The following BNC2 variants were observed in gnomAD, a reference collection of about 807,000 sequenced individuals.
BNC2 encodes the protein zinc finger protein basonuclin-2.
In BNC2, 20 loss-of-function variants were observed where a neutral mutation model predicts 76.3. The observed-to-expected ratio is 0.26, with a 90% confidence interval of 0.18 to 0.38. The LOEUF (loss-of-function observed/expected upper bound fraction) is 0.38, where lower values mean the gene tolerates loss of function less well. Among genes scored for constraint, BNC2 ranks in the 10% least tolerant of loss-of-function variants. BNC2 has a pLI of 1.00. For missense variants in BNC2, 1,382 were observed against 1,399.8 expected, an observed-to-expected ratio of 0.99 and a Z score of 0.20; for synonymous variants, 582 against 514.8, an observed-to-expected ratio of 1.13 and a Z score of -1.77.
At position 16,435,878 on chromosome 9, in the gene BNC2, G is replaced by C. The variant is rs767235881; in HGVS notation, c.2316C>G (p.Ile772Met). The C allele has an allele frequency of 6.2e-7, 1 of 1,613,752 alleles. No homozygotes were observed. The highest frequency in any genetic ancestry group is 8.5e-7 in the Non-Finnish European group (1 of 1,179,724). ...GGTCTGTAAATTCTTCCTTCACCTT[G>C]ATGACGTCCTGGTGAGAGGGCTCAC... ...NHSEPSHQDV[I>M]KVKEEFTDPT... The change falls in exon 6 of 7, where the codon ATC becomes ATG. Residue 772 changes from isoleucine to methionine, a missense_variant. Ile to Met is a conservative substitution (Grantham distance 10). Transcript: ENST00000380672.
intron 1 of BNC2, among the ~76,000 whole-genome samples, chr9:16,795,061 C>CA (rs1817607724): frequency 6.6e-6 from 1 of 152,202 alleles, no homozygotes; most frequent in Non-Finnish European, 1.5e-5. Flanking sequence ...GTCCAACTCT[C>CA]AACCTCCCTA....
At chr9:16,542,897 C>T (rs76629809) in intron 5 of BNC2, among the ~76,000 whole-genome samples, 7,669 of 152,282 alleles carry the variant, frequency 0.05, 207 homozygotes, top group Middle Eastern at 0.099. Flanking sequence ...AGATTTCATA[C>T]ACCAGCACTT....
chr9:16,429,939 T>C (rs1028516906), intron 6 of BNC2: 1 of 515,362 alleles, frequency 1.9e-6, no homozygotes, highest in East Asian at 5.5e-5. Context: ...ACTTTAGGCT[T>C]GACAGAGTCT....
chr9:16,435,910 T>C lies in BNC2; in HGVS notation c.2284A>G (p.Asn762Asp), dbSNP rs1821000823. 6.2e-7 allele frequency: 1 copy of C among 1,613,904 alleles called. No homozygotes were observed. The highest frequency in any genetic ancestry group is 8.5e-7 in the Non-Finnish European group (1 of 1,180,008). Residue 762 changes from asparagine to aspartate, a missense_variant, in exon 6 of 7, where the codon AAC becomes GAC. Around this residue, in one of 3 missense-constraint regions of BNC2, gnomAD observed 798 missense variants for 775.5 expected, o/e 1.03. Coordinates refer to ENST00000380672, the MANE Select transcript of BNC2 (RefSeq NM_017637.6). ...VLMNSERPDE[N>D]HSEPSHQDVI... The stretch of plus-strand genomic sequence containing the variant: ...TCCTGGTGAGAGGGCTCACTGTGGT[T>C]CTCATCAGGCCTCTCACTATTCATC...
chr9:16,437,662 TA>T (rs1415542064), intron 5 of BNC2, 138 bp from the exon 6 acceptor site: 2 of 1,043,336 alleles, frequency 1.9e-6, no homozygotes, highest in Non-Finnish European at 2.7e-6. Flanking sequence ...CAAGCACTGT[TA>T]ATAAAAGTCA....
intron 5 of BNC2, among the ~76,000 whole-genome samples, chr9:16,521,069 C>T (rs991364470): frequency 6.6e-6 from 1 of 152,124 alleles, no homozygotes; most frequent in Admixed American, 6.5e-5. Flanking sequence ...GAGGAACATA[C>T]ATCAGACAGG....
intron 3 of BNC2, among the ~76,000 whole-genome samples, chr9:16,691,398 G>A (rs1823157934): frequency 6.6e-6 from 1 of 151,916 alleles, no homozygotes; most frequent in South Asian, 2.1e-4. Context: ...TCCTACTATT[G>A]GACAGATTTC....
chr9:16,735,820 C>A (rs1484058656), intron 2 of BNC2, among the ~76,000 whole-genome samples: 1 of 151,682 alleles, frequency 6.6e-6, no homozygotes, highest in Non-Finnish European at 1.5e-5. Flanking sequence ...ATGTTAATTT[C>A]TTTATTTACT....
chr9:16,616,790 G>GGGAAGGAAGGCAGGAAGGAAGGAAGGAA (rs1820713141), intron 3 of BNC2, among the ~76,000 whole-genome samples: 1 of 10,338 alleles, frequency 9.7e-5, no homozygotes, highest in African/African-American at 1.5e-4. Flanking sequence ...GGAGGAAGGA[G>GGGAAGGAAGGCAGGAAGGAAGGAAGGAA]GGAAGGAAGG....
At chr9:16,667,844 G>A (rs527598590) in intron 3 of BNC2, among the ~76,000 whole-genome samples, 34 of 152,258 alleles carry the variant, frequency 2.2e-4, no homozygotes, top group African/African-American at 5.8e-4. Flanking sequence ...CTCAAGGAGA[G>A]CATCTTTTAG....
At chr9:16,769,255 G>A (rs868542945) in intron 1 of BNC2, among the ~76,000 whole-genome samples, 1 of 152,172 alleles carries the variant, frequency 6.6e-6, no homozygotes, top group South Asian at 2.1e-4. Flanking sequence ...CAGGCTTCAT[G>A]AGCAGGGACC....
intron 3 of BNC2, among the ~76,000 whole-genome samples, chr9:16,615,884 G>A (rs933395228): frequency 5.3e-5 from 8 of 151,918 alleles, no homozygotes; most frequent in African/African-American, 1.5e-4. Context: ...CTATTATATC[G>A]CCATTTTACA....
At chr9:16,625,537 C>T (rs564928979) in intron 3 of BNC2, 1 of 152,336 alleles carries the variant, frequency 6.6e-6, no homozygotes, top group East Asian at 1.9e-4. Context: ...GGAGTGAATG[C>T]TCAGAGCAAA....
intron 3 of BNC2, among the ~76,000 whole-genome samples, chr9:16,674,325 C>A (rs1404529530): frequency 6.6e-6 from 1 of 152,142 alleles, no homozygotes; most frequent in African/African-American, 2.4e-5. Context: ...TAATCTCATC[C>A]CAATTTCCTA....
chr9:16,535,308 A>G lies in BNC2; in HGVS notation c.669+17222T>C, dbSNP rs564314577. 3.3e-5 allele frequency among the ~76,000 whole-genome samples: 5 copies of G among 152,340 alleles called. No homozygotes were observed. The South Asian group carries it at 1.0e-3, about 32-fold the overall frequency. On this transcript the variant is annotated intron_variant, in intron 5 of 6. Coordinates refer to ENST00000380672, the MANE Select transcript of BNC2 (RefSeq NM_017637.6). ...AACAGTTTCAAAAAAGGAATTTCATAGATTCCATCTCTTTCATATTAATAC... is the reference window on the plus strand; with the variant it reads ...AACAGTTTCAAAAAAGGAATTTCATGGATTCCATCTCTTTCATATTAATAC...
intron 3 of BNC2, among the ~76,000 whole-genome samples, chr9:16,714,382 TTATC>T (rs1282091644): frequency 4.6e-5 from 7 of 152,238 alleles, no homozygotes; most frequent in Non-Finnish European, 1.0e-4. Flanking sequence ...TAAAGATACT[TTATC>T]TAATTCCCAG....
At chr9:16,528,626 A>G (rs576322449) in intron 5 of BNC2, among the ~76,000 whole-genome samples, 9 of 152,356 alleles carry the variant, frequency 5.9e-5, no homozygotes, top group African/African-American at 1.4e-4. Flanking sequence ...ATGACCTGGC[A>G]ATTCTACTTC....
At chr9:16,435,402 G>T (rs1000859451) in intron 6 of BNC2, among the ~76,000 whole-genome samples, 153 bp downstream of exon 6, 3 of 152,122 alleles carry the variant, frequency 2.0e-5, no homozygotes, top group African/African-American at 7.2e-5. Flanking sequence ...TCCTTCATGA[G>T]CATGGCAGCC....
Position 16,804,313 on chromosome 9 carries a change from G to A in BNC2, c.4-65828C>T, listed in dbSNP as rs1454915099. On this transcript the variant is annotated intron_variant, in intron 1 of 6. Coordinates refer to ENST00000380672, the MANE Select transcript of BNC2 (RefSeq NM_017637.6). ...TACACAATCCCCAGAACGTTTTGAT[G>A]TAAGTACTATCATTGTCTCCAAATT... Among the ~76,000 whole-genome samples, 12 of 152,212 alleles carry A rather than the reference G, an allele frequency of 7.9e-5. 1 individual carries two copies. Among genetic ancestry groups the A allele is most frequent in the African/African-American group, 2.4e-5 (1 of 41,466 alleles).
Sources: allele counts gnomAD v4.1 joint callset (sites outside exome capture counted in the v4.1 genomes callset), GRCh38; gene constraint gnomAD v4.1.1; regional missense constraint gnomAD v4.1.1; transcripts MANE v1.5; gene names NCBI Gene and HGNC (gene_info 2026-07-23, HGNC 2026-07-21).